Variants in SMIM12 observed in about 807,000 individuals in gnomAD.
SMIM12 encodes UPF0767 protein C1orf212.
In SMIM12, 5 loss-of-function variants were observed where a neutral mutation model predicts 6.3. That is an observed-to-expected ratio of 0.80 (90% CI 0.42 to 1.68). SMIM12 has a LOEUF of 1.68. SMIM12 is among the 40% of genes most tolerant of loss of function. The pLI is 0.02. For missense variants in SMIM12, 103 were observed against 121.4 expected (o/e 0.85, Z 0.71); for synonymous variants, 51 against 48.0 (o/e 1.06, Z -0.26).
At position 34,850,532 on chromosome 1, in the gene SMIM12, G is replaced by A. The variant is rs1372341829; in HGVS notation, c.*5167C>T. Among the ~76,000 whole-genome samples the A allele has an allele frequency of 6.6e-6, 1 of 152,064 alleles. No individual in the cohort carries two copies. Among genetic ancestry groups the A allele is most frequent in the Non-Finnish European group, 1.5e-5 (1 of 68,012 alleles). On this transcript the variant is annotated 3_prime_UTR_variant, in exon 2 of 2. Transcript: ENST00000521580. ...ATACTATAAAATACGCTCTGTACAG[G>A]AAAGAAATAATAGCACATGTATTTG...
At chr1:34,856,029 C>A in intron 1 of SMIM12, 47 bp from the exon 2 acceptor site, 1 of 1,496,166 alleles carries the variant, frequency 6.7e-7, no homozygotes, top group Non-Finnish European at 8.9e-7. Context: ...CATCATCTCC[C>A]ACCAAATAAG....
At position 34,859,693 on chromosome 1, in the gene SMIM12, A is replaced by C. The variant is rs2148386229; in HGVS notation, c.-22T>G. The C allele has an allele frequency of 6.6e-6, 1 of 152,288 alleles. No individual in the cohort carries two copies. Among genetic ancestry groups the C allele is most frequent in the African/African-American group, 2.4e-5 (1 of 41,432 alleles). The allele number at this position is 152,288 out of a possible 1,614,324, so 9.4% of individuals were successfully genotyped here. A position where few individuals can be genotyped will look rare whatever the true frequency, so the allele number is the denominator to read the frequency against. ...CGCGCTCACCTGCGGCCCAGCCCAC[A>C]CTCCCCAGTGCGGCCCCCGCTCTCC... On this transcript the variant is annotated 5_prime_UTR_variant, in exon 1 of 2. Transcript: ENST00000521580.
At position 34,855,852 on chromosome 1, in the gene SMIM12, G is replaced by C; in HGVS notation, c.126C>G (p.Pro42=). ...EWFIRGKDPQ[P]VEEEKSISER... is the part of the protein sequence containing the mutation. The stretch of plus-strand genomic sequence containing the variant: ...CTGAGATGCTCTTTTCCTCCTCCAC[G>C]GGCTGGGGGTCCTTTCCCCTGATGA... Residue 42 remains proline (P), a synonymous_variant, in exon 2 of 2, where the codon CCC becomes CCG. Coordinates refer to ENST00000521580, the MANE Select transcript of SMIM12 (RefSeq NM_138428.6). 1.3e-6 allele frequency: 2 copies of C among 1,551,646 alleles called. No homozygotes were observed. The highest frequency in any genetic ancestry group is 2.4e-5 in the East Asian group (1 of 40,900).
rs1638570049 is a variant in SMIM12, at chr1:34,854,311, A to C, written c.*1388T>G. 2 of 152,244 alleles carry C rather than the reference A, an allele frequency of 1.3e-5. No individual in the cohort carries two copies. 9.4% of individuals were successfully genotyped at this position (152,244 alleles called of 1,614,324 possible). A position where few individuals can be genotyped will look rare whatever the true frequency, so the allele number is the denominator to read the frequency against. ...TGACAGAATGAGAGTCCATCTCCAA[A>C]AAAAAAGAAAAAAGAAACTACAGGC... is the stretch of plus-strand genomic sequence containing the variant. On this transcript the variant is annotated 3_prime_UTR_variant, in exon 2 of 2. Transcript: ENST00000521580.
At position 34,855,986 on chromosome 1, in the gene SMIM12, C is replaced by T. The variant is rs1179020236; in HGVS notation, c.-5-4G>A. 2.6e-6 allele frequency: 4 copies of T among 1,537,318 alleles called. No individual in the cohort carries two copies. The South Asian group carries it at 3.6e-5, about 14-fold the overall frequency. Reference sequence around the variant, plus strand: ...CAAAACACAGGCCACATGACATCTGCGGAAAAGCACAAGGCAGCATTAGAG... The same window carrying T: ...CAAAACACAGGCCACATGACATCTGTGGAAAAGCACAAGGCAGCATTAGAG... On this transcript the variant is annotated splice_polypyrimidine_tract_variant and splice_region_variant and intron_variant, in intron 1 of 1. Transcript: ENST00000521580.
chr1:34,859,293 AACT>A (rs1638748495), intron 1 of SMIM12, among the ~76,000 whole-genome samples: 1 of 152,220 alleles, frequency 6.6e-6, no homozygotes, highest in Admixed American at 6.5e-5. Context: ...CAAATTCAAG[AACT>A]ACTAACAAGG....
At position 34,851,006 on chromosome 1, in the gene SMIM12, T is replaced by C. The variant is rs1027537850; in HGVS notation, c.*4693A>G. On this transcript the variant is annotated 3_prime_UTR_variant, in exon 2 of 2. Coordinates refer to ENST00000521580, the MANE Select transcript of SMIM12 (RefSeq NM_138428.6). Reference sequence around the variant, plus strand: ...ACCACCAGGTCTATGAGGGTCCCTGTTGTCCCTCAGCCAAGGCTGCTCTCT... The same window carrying C: ...ACCACCAGGTCTATGAGGGTCCCTGCTGTCCCTCAGCCAAGGCTGCTCTCT... 2.0e-5 allele frequency: 3 copies of C among 152,236 alleles called. No homozygotes were observed. Among genetic ancestry groups the C allele is most frequent in the Non-Finnish European group, 4.4e-5 (3 of 68,040 alleles). 9.4% of individuals were successfully genotyped at this position (152,236 alleles called of 1,614,324 possible).
Position 34,855,016 on chromosome 1 carries a change from A to G in SMIM12, c.*683T>C. ...GCCTAACTCCTAAGAAGACCCCCAA[A>G]TACCACCTGGATGATAAGATTCGAT... On this transcript the variant is annotated 3_prime_UTR_variant, in exon 2 of 2. Transcript: ENST00000521580. The G allele has an allele frequency of 8.0e-7, 1 of 1,253,898 alleles. No homozygotes were observed. Among genetic ancestry groups the G allele is most frequent in the Non-Finnish European group, 1.0e-6 (1 of 964,736 alleles). The allele number at this position is 1,253,898 out of a possible 1,614,324, so 77.7% of individuals were successfully genotyped here.
chr1:34,855,809 T>G lies in SMIM12; in HGVS notation c.169A>C (p.Lys57Gln). ...KSISERREDR[K>Q]LDELLGKDHT... ...TCCTTGCCTAGAAGCTCATCCAGCT[T>G]GCGATCCTCCCGGCGCTCTGAGATG... The change falls in exon 2 of 2, where the codon AAG (lysine) becomes CAG (glutamine). Residue 57 changes from lysine (K) to glutamine (Q), a missense_variant. Coordinates refer to ENST00000521580, the MANE Select transcript of SMIM12 (RefSeq NM_138428.6). The G allele has an allele frequency of 6.4e-7, 1 of 1,554,094 alleles. No homozygotes were observed. The highest frequency in any genetic ancestry group is 8.7e-7 in the Non-Finnish European group (1 of 1,148,196).
rs1459370225 is a variant in SMIM12, at chr1:34,852,463, C to A, written c.*3236G>T. ...TATTTGTAACAAGTTGTTAGATCGC[C>A]AAAAAAAAAAAAAAAAAAAAAACCA... On this transcript the variant is annotated 3_prime_UTR_variant, in exon 2 of 2. Transcript: ENST00000521580. 1.2e-3 allele frequency among the ~76,000 whole-genome samples: 101 copies of A among 81,754 alleles called. No individual in the cohort carries two copies. Among genetic ancestry groups the A allele is most frequent in the East Asian group, 3.1e-3 (6 of 1,938 alleles). The allele number at this position is 81,754 out of a possible 152,430, so 53.6% of individuals were successfully genotyped here.
Position 34,851,385 on chromosome 1 carries a change from T to C in SMIM12, c.*4314A>G, listed in dbSNP as rs1427689550. The C allele has an allele frequency of 6.6e-6, 1 of 152,242 alleles. No homozygotes were observed. The highest frequency in any genetic ancestry group is 1.5e-5 in the Non-Finnish European group (1 of 68,066). 9.4% of individuals were successfully genotyped at this position (152,242 alleles called of 1,614,324 possible). On this transcript the variant is annotated 3_prime_UTR_variant, in exon 2 of 2. Coordinates refer to ENST00000521580, the MANE Select transcript of SMIM12 (RefSeq NM_138428.6). ...TATTCATAACTCGAGCCTGTCAGAC[T>C]CTAGAATCCACTTTATTTTTCCTCT...
In SMIM12 at chr1:34,854,133, CCCTGTCTTTACTAAAAA is replaced by C. The variant is rs1312150487; in HGVS notation, c.*1549_*1565del. The C allele has an allele frequency of 1.3e-5, 2 of 151,782 alleles. No individual in the cohort carries two copies. The highest frequency in any genetic ancestry group is 2.9e-5 in the Non-Finnish European group (2 of 67,994). The allele number at this position is 151,782 out of a possible 1,614,324, so 9.4% of individuals were successfully genotyped here. A position where few individuals can be genotyped will look rare whatever the true frequency, so the allele number is the denominator to read the frequency against. ...ACCAGCCTGGCCAAGATGGTGAAAC[CCCTGTCTTTACTAAAAA>C]CACAAAAACTAGCCAGGCACGATGG... is the stretch of plus-strand genomic sequence containing the variant. On this transcript the variant is annotated 3_prime_UTR_variant, in exon 2 of 2. Transcript: ENST00000521580.
rs987835597 is a variant in SMIM12, at chr1:34,851,814, G to A, written c.*3885C>T. Among the ~76,000 whole-genome samples the A allele has an allele frequency of 5.3e-5, 8 of 152,164 alleles. No individual in the cohort carries two copies. The highest frequency in any genetic ancestry group is 1.9e-4 in the East Asian group (1 of 5,196). On this transcript the variant is annotated 3_prime_UTR_variant, in exon 2 of 2. Coordinates refer to ENST00000521580, the MANE Select transcript of SMIM12 (RefSeq NM_138428.6). The stretch of plus-strand genomic sequence containing the variant: ...GGGCTGGGAAGAGACGGGGGTAAGC[G>A]GGGAGCAAAAAGCCCCAAGCACATC...
rs14103 is a variant in SMIM12, at chr1:34,855,641, A to C, written c.*58T>G. On this transcript the variant is annotated 3_prime_UTR_variant, in exon 2 of 2. Coordinates refer to ENST00000521580, the MANE Select transcript of SMIM12 (RefSeq NM_138428.6). ...AGATGTGGGTTCTGGGGCTCTGTCA[A>C]CATGGTAGCAGGACAAGTCACCACC... 0.077 allele frequency: 124,363 copies of C among 1,613,994 alleles called. 5,272 individuals carry two copies. Among genetic ancestry groups the C allele is most frequent in the East Asian group, 0.13 (5,835 of 44,886 alleles).
intron 1 of SMIM12, among the ~76,000 whole-genome samples, chr1:34,856,985 T>A (rs1638673791): frequency 6.6e-6 from 1 of 151,978 alleles, no homozygotes; most frequent in South Asian, 2.1e-4. Flanking sequence ...TCCCCATTAC[T>A]CAGGAGGCTG....
At position 34,850,896 on chromosome 1, in the gene SMIM12, G is replaced by A. The variant is rs12076918; in HGVS notation, c.*4803C>T. Reference sequence around the variant, plus strand: ...TGGAACTACCACTAAGGCAGGTGTGGAGCCTGCAATCTCCTGACCAGCTTG... The same window carrying A: ...TGGAACTACCACTAAGGCAGGTGTGAAGCCTGCAATCTCCTGACCAGCTTG... On this transcript the variant is annotated 3_prime_UTR_variant, in exon 2 of 2. Transcript: ENST00000521580. The A allele has an allele frequency of 0.46, 70,403 of 151,968 alleles. 16,692 individuals carry two copies. The highest frequency in any genetic ancestry group is 0.58 in the Middle Eastern group (170 of 292). 9.4% of individuals were successfully genotyped at this position (151,968 alleles called of 1,614,324 possible).
intron 1 of SMIM12, chr1:34,859,445 C>T (rs1251402151): frequency 6.6e-6 from 1 of 152,352 alleles, no homozygotes; most frequent in African/African-American, 2.4e-5. Context: ...GTCCCCTGTC[C>T]CTAGCCCACC....
Position 34,855,357 on chromosome 1 carries a change from C to G in SMIM12, c.*342G>C. The G allele has an allele frequency of 6.9e-7, 1 of 1,441,102 alleles. No homozygotes were observed. Among genetic ancestry groups the G allele is most frequent in the South Asian group, 1.1e-5 (1 of 88,760 alleles). 89.3% of individuals were successfully genotyped at this position (1,441,102 alleles called of 1,614,324 possible). ...AGGTATCCCTCCTAAAGGCAACGCCCAAATCCCAGCCATTCCCACTAGAGG... is the reference window on the plus strand; with the variant it reads ...AGGTATCCCTCCTAAAGGCAACGCCGAAATCCCAGCCATTCCCACTAGAGG... On this transcript the variant is annotated 3_prime_UTR_variant, in exon 2 of 2. Coordinates refer to ENST00000521580, the MANE Select transcript of SMIM12 (RefSeq NM_138428.6).
At chr1:34,857,676 CCT>C (rs1178073434) in intron 1 of SMIM12, 9 of 152,172 alleles carry the variant, frequency 5.9e-5, no homozygotes, top group Non-Finnish European at 1.2e-4. Context: ...TGATTCTCCC[CCT>C]CTCTCTTTGG....
Sources: gnomAD v4.1 joint callset for allele counts (sites outside exome capture counted in the v4.1 genomes callset) on GRCh38, gnomAD v4.1.1 for gene constraint, MANE v1.5 for transcripts, NCBI Gene and HGNC (gene_info 2026-07-23, HGNC 2026-07-21) for gene names.